Variants in ELAVL4 observed in about 807,000 individuals in gnomAD.
ELAVL4 encodes ELAV-like protein 4.
In ELAVL4, 1 loss-of-function variant was observed where a neutral mutation model predicts 35.6. The observed-to-expected ratio is 0.03, with a 90% CI of 0.01 to 0.13. ELAVL4 has a LOEUF of 0.13. Ranked by LOEUF, ELAVL4 falls within the 10% of genes least tolerant of loss-of-function variation. The pLI is 1.00. For missense variants in ELAVL4, 267 were observed against 464.9 expected (o/e 0.57, Z 3.91); for synonymous variants, 156 against 171.0 (o/e 0.91, Z 0.69).
At chr1:50,148,146 G>T (rs1557782281) in intron 2 of ELAVL4, among the ~76,000 whole-genome samples, 1 of 152,188 alleles carries the variant, frequency 6.6e-6, no homozygotes. Flanking sequence ...CATTTTCTTA[G>T]ATGAGGAAAC....
chr1:50,056,655 G>A (rs553422920), intron 1 of ELAVL4, among the ~76,000 whole-genome samples: 2 of 152,112 alleles, frequency 1.3e-5, no homozygotes, highest in South Asian at 4.2e-4. Context: ...AATGTACACC[G>A]GCCGGGTGAG....
intron 1 of ELAVL4, among the ~76,000 whole-genome samples, chr1:50,089,526 G>T (rs897496541): frequency 3.3e-5 from 5 of 152,166 alleles, no homozygotes; most frequent in Admixed American, 6.5e-5. Context: ...GCCAAGGTGG[G>T]CAGATCAATT....
At chr1:50,103,988 T>C, upstream of ELAVL4, 1 of 1,613,978 alleles carries the variant, frequency 6.2e-7, no homozygotes, top group Non-Finnish European at 8.5e-7. Flanking sequence ...CCGGCTACAG[T>C]CATATGGAAC....
intron 1 of ELAVL4, among the ~76,000 whole-genome samples, chr1:50,124,764 T>C (rs964784960): frequency 6.6e-6 from 1 of 152,114 alleles, no homozygotes; most frequent in African/African-American, 2.4e-5. Context: ...AAATCCTGGC[T>C]TTATCAGTTG....
chr1:50,079,022 A>G (rs1035931636), intron 1 of ELAVL4, among the ~76,000 whole-genome samples: 12 of 152,152 alleles, frequency 7.9e-5, no homozygotes, highest in African/African-American at 2.2e-4. Context: ...TCCATCTCTC[A>G]TCAAGTGATG....
intron 2 of ELAVL4, among the ~76,000 whole-genome samples, 161 bp downstream of exon 2, chr1:50,145,358 C>A (rs1673514316): frequency 6.6e-6 from 1 of 152,074 alleles, no homozygotes; most frequent in Admixed American, 6.6e-5. Context: ...CCACATAAGA[C>A]CTTATTGTAG....
intron 1 of ELAVL4, among the ~76,000 whole-genome samples, chr1:50,078,153 TTG>T (rs990428461): frequency 2.5e-4 from 37 of 149,052 alleles, no homozygotes; most frequent in African/African-American, 9.1e-4. Flanking sequence ...TATATAGTAT[TTG>T]TGTGTTTATA....
At chr1:50,055,185 G>A (rs1663588701) in intron 1 of ELAVL4, among the ~76,000 whole-genome samples, 1 of 152,078 alleles carries the variant, frequency 6.6e-6, no homozygotes, top group African/African-American at 2.4e-5. Context: ...GAAGTTGGAT[G>A]ACTTGCCCAA....
At chr1:50,137,426 C>T (rs1672065412) in intron 1 of ELAVL4, among the ~76,000 whole-genome samples, 1 of 151,680 alleles carries the variant, frequency 6.6e-6, no homozygotes, top group African/African-American at 2.4e-5. Flanking sequence ...TAAATATTAA[C>T]TACTCAGGAG....
At chr1:50,097,521 A>G (rs1178690054) in intron 1 of ELAVL4, among the ~76,000 whole-genome samples, 1 of 152,206 alleles carries the variant, frequency 6.6e-6, no homozygotes, top group Non-Finnish European at 1.5e-5. Context: ...AGAGAGGAGA[A>G]GTGGTTTGCC....
intron 1 of ELAVL4, among the ~76,000 whole-genome samples, chr1:50,078,177 A>C (rs1664852110): frequency 6.6e-6 from 1 of 151,506 alleles, no homozygotes; most frequent in Non-Finnish European, 1.5e-5. Context: ...ATCTATGTGA[A>C]TATATTGCAG....
intron 2 of ELAVL4, among the ~76,000 whole-genome samples, chr1:50,173,161 T>G (rs1354720860): frequency 6.6e-6 from 1 of 152,252 alleles, no homozygotes; most frequent in Non-Finnish European, 1.5e-5. Context: ...TAGAAACTTT[T>G]ATGAGCTAGT....
At chr1:50,127,020 A>G (rs1670042745) in intron 1 of ELAVL4, among the ~76,000 whole-genome samples, 1 of 152,124 alleles carries the variant, frequency 6.6e-6, no homozygotes, top group Non-Finnish European at 1.5e-5. Context: ...TAAAATAAAC[A>G]GAGCAGGAAG....
intron 1 of ELAVL4, among the ~76,000 whole-genome samples, chr1:50,098,883 A>G (rs1665830088): frequency 6.6e-6 from 1 of 152,160 alleles, no homozygotes; most frequent in Non-Finnish European, 1.5e-5. Flanking sequence ...CTAGACTACC[A>G]AGTAGGGCAG....
At chr1:50,094,856 G>C (rs1024497008) in intron 1 of ELAVL4, among the ~76,000 whole-genome samples, 9 of 152,116 alleles carry the variant, frequency 5.9e-5, no homozygotes, top group African/African-American at 1.7e-4. Context: ...CCTGAACCCG[G>C]GAGGCAGAGG....
At chr1:50,138,243 G>T (rs1672221555) in intron 1 of ELAVL4, among the ~76,000 whole-genome samples, 1 of 152,106 alleles carries the variant, frequency 6.6e-6, no homozygotes, top group Non-Finnish European at 1.5e-5. Context: ...ACACAGAGGT[G>T]CTCCAAAAAT....
At chr1:50,106,899 A>T (rs1572189861), upstream of ELAVL4, among the ~76,000 whole-genome samples, 1 of 152,184 alleles carries the variant, frequency 6.6e-6, no homozygotes, top group African/African-American at 2.4e-5. Flanking sequence ...ACCTAATGTT[A>T]ATTTATGGTT....
At chr1:50,105,017 C>G (rs1666194439), upstream of ELAVL4, among the ~76,000 whole-genome samples, 1 of 152,170 alleles carries the variant, frequency 6.6e-6, no homozygotes. Context: ...TTGGCTTGCT[C>G]TTGTGGTTGT....
intron 6 of ELAVL4, 42 bp downstream of exon 6, chr1:50,197,509 C>A: frequency 6.7e-7 from 1 of 1,496,170 alleles, no homozygotes; most frequent in Non-Finnish European, 8.9e-7. Context: ...CATGTTGGCA[C>A]AGACTGGGGC....
Sources: allele counts gnomAD v4.1 joint callset (sites outside exome capture counted in the v4.1 genomes callset), GRCh38; gene constraint gnomAD v4.1.1; transcripts MANE v1.5; gene names NCBI Gene and HGNC (gene_info 2026-07-23, HGNC 2026-07-21).